Variants in NUCB2 observed in about 807,000 individuals in gnomAD.
The protein encoded by NUCB2 is nucleobindin 2.
In NUCB2, 48 loss-of-function variants were observed where a neutral mutation model predicts 57.9. The ratio of observed to expected loss-of-function variants is 0.83; its 90% CI spans 0.66 to 1.05. The LOEUF (loss-of-function observed/expected upper bound fraction) is 1.05, where lower values mean the gene tolerates loss of function less well. NUCB2 is among the 50% of genes least tolerant of loss of function. The pLI is 0.00. For missense variants in NUCB2, 442 were observed against 476.2 expected, an observed-to-expected ratio of 0.93 and a Z score of 0.67; for synonymous variants, 139 against 152.1, an observed-to-expected ratio of 0.91 and a Z score of 0.64.
chr11:17,292,819 G>T (rs895539569), intron 2 of NUCB2, among the ~76,000 whole-genome samples: 1 of 152,158 alleles, frequency 6.6e-6, no homozygotes, highest in East Asian at 1.9e-4. Flanking sequence ...CATACTGCTT[G>T]GTACATAGTA....
At chr11:17,332,729 TAG>T (rs760270599), downstream of NUCB2, 2 of 151,954 alleles carry the variant, frequency 1.3e-5, no homozygotes, top group Non-Finnish European at 2.9e-5. Context: ...TTAAATTTTT[TAG>T]AGACAGGGTC....
intron 11 of NUCB2, among the ~76,000 whole-genome samples, chr11:17,318,531 T>C (rs1380235247): frequency 6.6e-6 from 1 of 152,132 alleles, no homozygotes; most frequent in Non-Finnish European, 1.5e-5. Flanking sequence ...AGGGTTGTTT[T>C]ATAGGGTAGA....
At chr11:17,281,077 T>C (rs903630848) in intron 1 of NUCB2, among the ~76,000 whole-genome samples, 3 of 152,120 alleles carry the variant, frequency 2.0e-5, no homozygotes, top group Admixed American at 2.0e-4. Flanking sequence ...ACTTTTAAAG[T>C]TGTATGTCAA....
At chr11:17,327,635 C>T (rs1032210045) in intron 11 of NUCB2, among the ~76,000 whole-genome samples, 1 of 151,998 alleles carries the variant, frequency 6.6e-6, no homozygotes, top group African/African-American at 2.4e-5. Flanking sequence ...TCCTTTGTGT[C>T]CTCTGTATTT....
chr11:17,319,986 A>G (rs1396756883), intron 11 of NUCB2, among the ~76,000 whole-genome samples: 2 of 152,116 alleles, frequency 1.3e-5, no homozygotes, highest in Non-Finnish European at 2.9e-5. Flanking sequence ...GAGAACATGC[A>G]GTATTTGGTT....
At chr11:17,307,346 G>A (rs1021091531) in intron 5 of NUCB2, among the ~76,000 whole-genome samples, 13 of 151,830 alleles carry the variant, frequency 8.6e-5, no homozygotes, top group South Asian at 2.1e-4. Context: ...TTGAGATGAC[G>A]TTTTGCTATG....
intron 4 of NUCB2, among the ~76,000 whole-genome samples, chr11:17,298,081 C>CAAAA (rs34329500): frequency 4.8e-5 from 4 of 82,730 alleles, no homozygotes; most frequent in Admixed American, 1.4e-4. Context: ...GACTTCGTCT[C>CAAAA]AAAAAAAAAA....
At position 17,289,624 on chromosome 11, in the gene NUCB2, T is replaced by C. The variant is rs536912749; in HGVS notation, c.1-5700T>C. On this transcript the variant is annotated intron_variant, in intron 2 of 13. Coordinates refer to ENST00000529010, the MANE Select transcript of NUCB2 (RefSeq NM_005013.4). The stretch of plus-strand genomic sequence containing the variant: ...GCTCAGCCACCATCCATCAACCCCA[T>C]ACTTCTTAAAAATGCTTAATATAAC... Among the ~76,000 whole-genome samples, 11 of 152,322 alleles carry C rather than the reference T, an allele frequency of 7.2e-5. No homozygotes were observed. The South Asian group carries it at 2.1e-3, about 29-fold the overall frequency.
At chr11:17,318,218 T>G (rs777982408) in intron 11 of NUCB2, among the ~76,000 whole-genome samples, 1 of 151,890 alleles carries the variant, frequency 6.6e-6, no homozygotes, top group African/African-American at 2.4e-5. Flanking sequence ...GATGTCGTCA[T>G]GTTGACCAGG....
intron 11 of NUCB2, among the ~76,000 whole-genome samples, chr11:17,316,511 A>C (rs1949269110): frequency 6.6e-6 from 1 of 152,242 alleles, no homozygotes; most frequent in Admixed American, 6.5e-5. Flanking sequence ...TAATGACACT[A>C]TGATGACTAT....
At chr11:17,289,100 G>A (rs2138200593) in intron 2 of NUCB2, among the ~76,000 whole-genome samples, 1 of 151,858 alleles carries the variant, frequency 6.6e-6, no homozygotes, top group Non-Finnish European at 1.5e-5. Flanking sequence ...AGGACTACAG[G>A]CGTGTGCCAC....
At chr11:17,325,098 T>C (rs998673693) in intron 11 of NUCB2, among the ~76,000 whole-genome samples, 65 of 152,200 alleles carry the variant, frequency 4.3e-4, no homozygotes, top group African/African-American at 1.5e-3. Context: ...CCACCGTGCC[T>C]GGCCTATATT....
intron 11 of NUCB2, chr11:17,317,738 G>T: frequency 5.6e-6 from 1 of 179,546 alleles, no homozygotes; most frequent in Admixed American, 5.8e-5. Flanking sequence ...TTGTTAAGGT[G>T]GTGTCTACCA....
At chr11:17,315,317 C>T (rs1949068793) in intron 10 of NUCB2, 69 bp from the exon 11 acceptor site, 1 of 777,600 alleles carries the variant, frequency 1.3e-6, no homozygotes, top group Non-Finnish European at 2.0e-6. Context: ...TATTACAAGA[C>T]AGTTGATAGT....
intron 2 of NUCB2, among the ~76,000 whole-genome samples, chr11:17,283,275 G>A (rs1032795348): frequency 2.0e-5 from 3 of 152,326 alleles, no homozygotes; most frequent in South Asian, 2.1e-4. Context: ...GAAGAAAGAT[G>A]CATCCTCTTC....
chr11:17,299,224 G>T (rs1197078046), intron 4 of NUCB2, among the ~76,000 whole-genome samples: 1 of 152,102 alleles, frequency 6.6e-6, no homozygotes, highest in African/African-American at 2.4e-5. Flanking sequence ...ATAGTTTTTA[G>T]ATTTCAGGGT....
chr11:17,349,171 G>T (rs919391074), intron 2 of NUCB2, among the ~76,000 whole-genome samples: 2 of 152,182 alleles, frequency 1.3e-5, no homozygotes, highest in East Asian at 3.8e-4. Context: ...ATACACAGGT[G>T]TTAGCTTTTC....
intron 2 of NUCB2, among the ~76,000 whole-genome samples, chr11:17,291,969 G>A (rs1259826592): frequency 2.6e-5 from 4 of 151,988 alleles, no homozygotes; most frequent in African/African-American, 4.8e-5. Context: ...GCATTTACAA[G>A]TCATATAACT....
Position 17,296,141 on chromosome 11 carries a change from T to A in NUCB2, c.182T>A (p.Val61Glu). The A allele has an allele frequency of 6.2e-7, 1 of 1,611,752 alleles. No homozygotes were observed. Among genetic ancestry groups the A allele is most frequent in the East Asian group, 2.2e-5 (1 of 44,750 alleles). ...GLYYDEYLKQ[V>E]IDVLETDKHF... is the part of the protein sequence containing the mutation. ...TATTATGATGAATATCTCAAGCAAGTGATTGATGTGCTGGAAACAGATAAA... is the reference window on the plus strand; with the variant it reads ...TATTATGATGAATATCTCAAGCAAGAGATTGATGTGCTGGAAACAGATAAA... Residue 61 changes from valine to glutamate, a missense_variant, in exon 4 of 14, where the codon GTG becomes GAG. By Grantham distance (121) the Val-to-Glu change is moderately radical. Transcript: ENST00000529010.
Sources: allele counts gnomAD v4.1 joint callset (sites outside exome capture counted in the v4.1 genomes callset), GRCh38; gene constraint gnomAD v4.1.1; transcripts MANE v1.5; gene names NCBI Gene and HGNC (gene_info 2026-07-23, HGNC 2026-07-21).